The following NOS1AP variants were observed in gnomAD, a reference collection of about 807,000 sequenced individuals.
NOS1AP encodes nitric oxide synthase 1 adaptor protein, also known as carboxyl-terminal PDZ ligand of neuronal nitric oxide synthase protein.
In NOS1AP, 21 loss-of-function variants were observed where a neutral mutation model predicts 56.2. That is an observed-to-expected ratio of 0.37 (90% CI 0.26 to 0.54). NOS1AP has a LOEUF of 0.54. NOS1AP is among the 20% of genes least tolerant of loss of function. NOS1AP has a pLI of 0.84. For synonymous variants in NOS1AP, 270 were observed against 274.6 expected (o/e 0.98, Z 0.17); for missense variants, 522 against 657.8 (o/e 0.79, Z 2.26).
At chr1:162,162,938 T>C (rs969118906) in intron 2 of NOS1AP, among the ~76,000 whole-genome samples, 2 of 152,150 alleles carry the variant, frequency 1.3e-5, no homozygotes, top group African/African-American at 2.4e-5. Flanking sequence ...AAAGAAACTC[T>C]ATACCTCTAA....
intron 6 of NOS1AP, among the ~76,000 whole-genome samples, chr1:162,352,216 T>A (rs138486798): frequency 1.3e-5 from 2 of 152,120 alleles, no homozygotes; most frequent in East Asian, 1.9e-4. Context: ...TGTACCACCA[T>A]GCCCAGCTAA....
intron 1 of NOS1AP, among the ~76,000 whole-genome samples, chr1:162,084,944 G>T (rs970491195): frequency 6.6e-6 from 1 of 152,146 alleles, no homozygotes; most frequent in African/African-American, 2.4e-5. Context: ...GATTACAGAT[G>T]TGAGCCTCTG....
chr1:162,194,076 TG>T, intron 2 of NOS1AP, among the ~76,000 whole-genome samples: 1 of 152,116 alleles, frequency 6.6e-6, no homozygotes. Flanking sequence ...GAGCTCCCCA[TG>T]CATAGCCTTA....
intron 1 of NOS1AP, among the ~76,000 whole-genome samples, chr1:162,126,596 A>G (rs994119341): frequency 6.6e-5 from 10 of 151,900 alleles, no homozygotes; most frequent in Non-Finnish European, 1.3e-4. Flanking sequence ...CATCCATGCA[A>G]GTATATGGAA....
At position 162,300,799 on chromosome 1, in the gene NOS1AP, T is replaced by C. The variant is rs538660044; in HGVS notation, c.344+93T>C. The C allele has an allele frequency of 4.6e-5, 49 of 1,066,806 alleles. No homozygotes were observed. In the South Asian group the frequency reaches 5.7e-4, roughly 12 times the overall value. 66.1% of individuals were successfully genotyped at this position (1,066,806 alleles called of 1,614,324 possible). Reference sequence around the variant, plus strand: ...TGTCAGGCTGGTGGATCCAGGCAAATTTAAATAAACTTCTATGCTTTTCCC... The same window carrying C: ...TGTCAGGCTGGTGGATCCAGGCAAACTTAAATAAACTTCTATGCTTTTCCC... On this transcript the variant is annotated intron_variant, in intron 4 of 9. Transcript: ENST00000361897.
chr1:162,292,389 A>G (rs1655306761), intron 3 of NOS1AP, among the ~76,000 whole-genome samples: 1 of 152,232 alleles, frequency 6.6e-6, no homozygotes, highest in Non-Finnish European at 1.5e-5. Flanking sequence ...GAGAACAGCT[A>G]ATAGTAATAG....
intron 1 of NOS1AP, among the ~76,000 whole-genome samples, chr1:162,128,237 C>T (rs924585615): frequency 2.0e-5 from 3 of 151,890 alleles, no homozygotes; most frequent in African/African-American, 7.3e-5. Flanking sequence ...TAAATGGCAA[C>T]CTGATTGTCC....
At chr1:162,176,256 T>G (rs2102139719) in intron 2 of NOS1AP, among the ~76,000 whole-genome samples, 1 of 152,284 alleles carries the variant, frequency 6.6e-6, no homozygotes, top group Non-Finnish European at 1.5e-5. Context: ...TGTCCTATAC[T>G]TACATTACAG....
intron 4 of NOS1AP, 36 bp from the exon 5 acceptor site, chr1:162,332,981 C>A: frequency 6.8e-7 from 1 of 1,465,500 alleles, no homozygotes; most frequent in Non-Finnish European, 9.6e-7. Flanking sequence ...AACCTAAGGC[C>A]ATTTTCAGTG....
At chr1:162,206,256 T>TA (rs55920537) in intron 2 of NOS1AP, among the ~76,000 whole-genome samples, 20,080 of 146,462 alleles carry the variant, frequency 0.14, 1,531 homozygotes, top group South Asian at 0.21. Context: ...ATTTCTCTCT[T>TA]AAAAAAAAAA....
At chr1:162,348,288 A>G (rs1357804766) in intron 6 of NOS1AP, among the ~76,000 whole-genome samples, 1 of 152,180 alleles carries the variant, frequency 6.6e-6, no homozygotes, top group Non-Finnish European at 1.5e-5. Context: ...TTTGATGAGG[A>G]ATGATGACAC....
chr1:162,174,639 A>G (rs1650974609), intron 2 of NOS1AP, among the ~76,000 whole-genome samples: 1 of 152,230 alleles, frequency 6.6e-6, no homozygotes, highest in South Asian at 2.1e-4. Context: ...GATAGTACAG[A>G]GAGTTCTTGC....
chr1:162,297,069 C>A (rs1655488973), intron 3 of NOS1AP, among the ~76,000 whole-genome samples: 1 of 152,206 alleles, frequency 6.6e-6, no homozygotes, highest in Non-Finnish European at 1.5e-5. Flanking sequence ...GATCCCAACC[C>A]CAGACAGTCA....
At chr1:162,080,236 G>T (rs1427726800) in intron 1 of NOS1AP, among the ~76,000 whole-genome samples, 1 of 152,000 alleles carries the variant, frequency 6.6e-6, no homozygotes, top group African/African-American at 2.4e-5. Flanking sequence ...TATTTAAAAT[G>T]GCACTTCCAG....
intron 1 of NOS1AP, among the ~76,000 whole-genome samples, chr1:162,121,012 G>A (rs143146856): frequency 4.6e-4 from 70 of 151,066 alleles, no homozygotes; most frequent in African/African-American, 1.7e-3. Flanking sequence ...ACTCAGCTGG[G>A]TGATCACTGC....
chr1:162,276,808 T>C (rs1183852146), intron 2 of NOS1AP, among the ~76,000 whole-genome samples: 1 of 152,268 alleles, frequency 6.6e-6, no homozygotes, highest in Non-Finnish European at 1.5e-5. Context: ...ATATCATTTA[T>C]GTATGAGAGT....
chr1:162,284,103 C>T (rs1655019287), intron 2 of NOS1AP, among the ~76,000 whole-genome samples: 1 of 152,192 alleles, frequency 6.6e-6, no homozygotes, highest in Admixed American at 6.5e-5. Flanking sequence ...GGATTTGTCC[C>T]TGAGAGCCCC....
chr1:162,179,683 A>T (rs1037355070), intron 2 of NOS1AP, among the ~76,000 whole-genome samples: 5 of 152,168 alleles, frequency 3.3e-5, no homozygotes, highest in Non-Finnish European at 2.9e-5. Flanking sequence ...AGAAGGGTGG[A>T]TGAGTGGGGA....
At chr1:162,175,430 A>C (rs1254046116) in intron 2 of NOS1AP, among the ~76,000 whole-genome samples, 2 of 152,156 alleles carry the variant, frequency 1.3e-5, no homozygotes, top group African/African-American at 2.4e-5. Context: ...TGGCTGCTAA[A>C]AACTCTTTGA....
Sources: gnomAD v4.1 joint callset for allele counts (sites outside exome capture counted in the v4.1 genomes callset) on GRCh38, gnomAD v4.1.1 for gene constraint, MANE v1.5 for transcripts, NCBI Gene and HGNC (gene_info 2026-07-23, HGNC 2026-07-21) for gene names.